Variants in PLEKHH3 observed in about 807,000 individuals in gnomAD.
PLEKHH3 encodes the protein pleckstrin homology, MyTH4 and FERM domain containing H3.
PLEKHH3 carries 57 observed loss-of-function variants against 77.8 expected under a neutral mutation model. The observed-to-expected ratio is 0.73, with a 90% confidence interval of 0.59 to 0.91. The LOEUF (loss-of-function observed/expected upper bound fraction) is 0.91. Among genes scored for constraint, PLEKHH3 ranks in the 40% least tolerant of loss-of-function variants. The pLI is 0.00. For synonymous variants in PLEKHH3, 467 were observed against 504.8 expected, an observed-to-expected ratio of 0.93 and a Z score of 1.00; for missense variants, 1,082 against 1,091.2, an observed-to-expected ratio of 0.99 and a Z score of 0.12.
Position 42,674,367 on chromosome 17 carries a change from G to C in PLEKHH3, c.205C>G (p.Pro69Ala), listed in dbSNP as rs903597297. The C allele has an allele frequency of 4.4e-6, 7 of 1,590,926 alleles. No homozygotes were observed. The East Asian group carries it at 1.6e-4, about 36-fold the overall frequency. ...VTLTQPVRSG[P>A]VSNRLQSWEE... ...GGCGTAGCTCACCTGTTGGAGACAG[G>C]CCCGCTCCTCACTGGCTGAGTCAGC... The change falls in exon 2 of 13, where the codon CCT becomes GCT. Residue 69 changes from proline (P) to alanine (A), a missense_variant. Pro to Ala is a conservative substitution (Grantham distance 27). This residue lies in a region of PLEKHH3 where 344 missense variants were observed against 320.8 expected (regional missense o/e 1.07). Coordinates refer to ENST00000591022, the MANE Select transcript of PLEKHH3 (RefSeq NM_024927.5).
chr17:42,673,595 G>A, intron 4 of PLEKHH3, 39 bp from the exon 5 acceptor site: 1 of 1,591,148 alleles, frequency 6.3e-7, no homozygotes, highest in Non-Finnish European at 8.5e-7. Context: ...ATTAGGGTCT[G>A]CCGGGGCCCC....
At chr17:42,669,654 G>T in intron 11 of PLEKHH3, 33 bp from the exon 12 acceptor site, 1 of 1,581,910 alleles carries the variant, frequency 6.3e-7, no homozygotes, top group Non-Finnish European at 8.6e-7. Flanking sequence ...AGGGTGGAAG[G>T]AGGAGCCCAG....
rs1207610262 is a variant in PLEKHH3 at position 42,670,269 on chromosome 17, C to T, written c.1662G>A (p.Val554=). The change falls in exon 11 of 13, where the codon GTG becomes GTA. Residue 554 remains valine (V), a synonymous_variant. Transcript: ENST00000591022. ...QSLQRDFSPR[V]PLPRLDRLLP... Reference sequence around the variant, plus strand: ...GCAGGCGGTCCAGGCGGGGCAGGGGCACCCGCGGAGAGAAGTCCCGCTGCA... The same window carrying T: ...GCAGGCGGTCCAGGCGGGGCAGGGGTACCCGCGGAGAGAAGTCCCGCTGCA... The T allele has an allele frequency of 2.3e-6, 3 of 1,289,502 alleles. No individual in the cohort carries two copies. Among genetic ancestry groups the T allele is most frequent in the South Asian group, 2.4e-5 (1 of 41,804 alleles). 79.9% of individuals were successfully genotyped at this position (1,289,502 alleles called of 1,614,324 possible).
rs562281782 is a variant in PLEKHH3, at chr17:42,676,585, G to C, written c.-22C>G. On this transcript the variant is annotated 5_prime_UTR_variant, in exon 1 of 13. Transcript: ENST00000591022. The surrounding 1 kb of genome is among the most constrained non-coding windows in gnomAD (Gnocchi z 6.6). The stretch of plus-strand genomic sequence containing the variant: ...GCATCCGGGCGAGGAGCTGCGGATG[G>C]GGGCGCGGGCAGCCGCGGCCGAGCA... 1.3e-6 allele frequency: 2 copies of C among 1,546,106 alleles called. No homozygotes were observed. The highest frequency in any genetic ancestry group is 1.2e-5 in the South Asian group (1 of 84,268).
intron 2 of PLEKHH3, 22 bp from the exon 3 acceptor site, chr17:42,674,035 G>A (rs746491481): frequency 6.2e-7 from 1 of 1,610,478 alleles, no homozygotes; most frequent in Non-Finnish European, 8.5e-7. Flanking sequence ...GGGAGGGAAG[G>A]TTGGGTCTCC....
At position 42,673,299 on chromosome 17, in the gene PLEKHH3, A is replaced by AG. The variant is rs1257502088; in HGVS notation, c.649-4dup. On this transcript the variant is annotated splice_region_variant and splice_polypyrimidine_tract_variant and intron_variant, in intron 5 of 12. Transcript: ENST00000591022. ...GCCTCTGGGTCCCCGCAACTTTCCT[A>AG]GGGGGCCAGGGAGAGGGTCACCTTG... 6.3e-7 allele frequency: 1 copy of AG among 1,597,528 alleles called. No homozygotes were observed. Among genetic ancestry groups the AG allele is most frequent in the South Asian group, 1.1e-5 (1 of 88,628 alleles).
intron 1 of PLEKHH3, among the ~76,000 whole-genome samples, chr17:42,675,537 C>A (rs967011112): frequency 2.6e-5 from 4 of 152,194 alleles, no homozygotes; most frequent in Non-Finnish European, 4.4e-5. Flanking sequence ...TATTTATCCA[C>A]CCTCCGCCTC....
rs1305450720 is a variant in PLEKHH3, at chr17:42,672,263, A to C, written c.899T>G (p.Leu300Arg). The change falls in exon 7 of 13, where the codon CTC (leucine) becomes CGC (arginine). Residue 300 changes from leucine (L) to arginine (R), a missense_variant. Physicochemically the swap from Leu to Arg is moderately radical, Grantham distance 102. Transcript: ENST00000591022. ...CAGCTGCAGGAAGAGTTCATCCCGGAGCGCGGGCAAGTCCCGGCAGGTTTG... is the reference window on the plus strand; with the variant it reads ...CAGCTGCAGGAAGAGTTCATCCCGGCGCGCGGGCAAGTCCCGGCAGGTTTG... ...VLQTCRDLPALRDELFLQLAK... is the reference protein window; with the variant it reads ...VLQTCRDLPARRDELFLQLAK... 2 of 1,550,838 alleles carry C rather than the reference A, an allele frequency of 1.3e-6. No individual in the cohort carries two copies. Among genetic ancestry groups the C allele is most frequent in the Non-Finnish European group, 1.7e-6 (2 of 1,147,040 alleles).
Position 42,668,044 on chromosome 17 carries a change from A to G in PLEKHH3, c.*83T>C, listed in dbSNP as rs1322830342. ...GATGTGCCCTGTCCCTGCAGGGCCAAAAGGGTCCATGTTTCCCTCAAATCT... is the reference window on the plus strand; with the variant it reads ...GATGTGCCCTGTCCCTGCAGGGCCAGAAGGGTCCATGTTTCCCTCAAATCT... On this transcript the variant is annotated 3_prime_UTR_variant, in exon 13 of 13. Coordinates refer to ENST00000591022, the MANE Select transcript of PLEKHH3 (RefSeq NM_024927.5). 3.6e-5 allele frequency: 44 copies of G among 1,223,338 alleles called. No individual in the cohort carries two copies. Among genetic ancestry groups the G allele is most frequent in the Non-Finnish European group, 4.0e-5 (39 of 966,652 alleles). 75.8% of individuals were successfully genotyped at this position (1,223,338 alleles called of 1,614,324 possible).
chr17:42,671,471 C>G lies in PLEKHH3; in HGVS notation c.1164G>C (p.Leu388=), dbSNP rs1040802039. The change falls in exon 8 of 13, where the codon CTG becomes CTC. Residue 388 remains leucine, a synonymous_variant. Coordinates refer to ENST00000591022, the MANE Select transcript of PLEKHH3 (RefSeq NM_024927.5). This position sits in a 1 kb window ranked among gnomAD's most constrained non-coding sequence, Gnocchi z 4.7. ...KALGRTRGRE[L]VPSLAEISAL... ...CGGAAATCTCCGCCAGCGAGGGCAC[C>G]AGCTCTCTGCCGCGCGTCCGGCCCA... The G allele has an allele frequency of 5.6e-6, 9 of 1,613,168 alleles. No individual in the cohort carries two copies. Among genetic ancestry groups the G allele is most frequent in the Non-Finnish European group, 7.6e-6 (9 of 1,180,016 alleles).
intron 4 of PLEKHH3, 22 bp from the exon 5 acceptor site, chr17:42,673,578 G>A (rs935958619): frequency 6.3e-7 from 1 of 1,588,232 alleles, no homozygotes; most frequent in African/African-American, 1.3e-5. Flanking sequence ...AGAGGCCAGG[G>A]AGGGCCATTA....
intron 9 of PLEKHH3, 80 bp downstream of exon 9, chr17:42,670,914 G>C: frequency 6.4e-7 from 1 of 1,568,268 alleles, no homozygotes; most frequent in Non-Finnish European, 8.6e-7. Flanking sequence ...GGCAAGCGCT[G>C]GATAATGTCC....
Position 42,672,115 on chromosome 17 carries a change from C to G in PLEKHH3, c.1047G>C (p.Val349=). ...CCAAGTGCCCCAGGAGGTGCCCCCG[C>G]ACAGCTCCCCCAGGTCGGAAGGTGC... is the stretch of plus-strand genomic sequence containing the variant. The part of the protein sequence containing the change: ...MSCTFRPGGA[V]RGHLLGHLER... Residue 349 remains valine, a synonymous_variant, in exon 7 of 13, where the codon GTG becomes GTC. Coordinates refer to ENST00000591022, the MANE Select transcript of PLEKHH3 (RefSeq NM_024927.5). 6.6e-7 allele frequency: 1 copy of G among 1,515,534 alleles called. No individual in the cohort carries two copies. Among genetic ancestry groups the G allele is most frequent in the Non-Finnish European group, 8.9e-7 (1 of 1,125,478 alleles). The allele number at this position is 1,515,534 out of a possible 1,614,324, so 93.9% of individuals were successfully genotyped here.
chr17:42,670,348 G>A lies in PLEKHH3; in HGVS notation c.1583C>T (p.Pro528Leu). 9.2e-6 allele frequency: 13 copies of A among 1,409,570 alleles called. No individual in the cohort carries two copies. Among genetic ancestry groups the A allele is most frequent in the Non-Finnish European group, 1.2e-5 (13 of 1,091,502 alleles). 87.3% of individuals were successfully genotyped at this position (1,409,570 alleles called of 1,614,324 possible). ...GCGCAGCGTGTCGTCGGGTGGGGGC[G>A]GCCGGCCCCGCAGCAGCAGAGCGTG... ...QAHALLLRGR[P>L]PPPDDTLRAL... The change falls in exon 11 of 13, where the codon CCG becomes CTG. Residue 528 changes from proline to leucine, a missense_variant. Around this residue, in one of 3 missense-constraint regions of PLEKHH3, gnomAD observed 733 missense variants for 750.0 expected, o/e 0.98. Coordinates refer to ENST00000591022, the MANE Select transcript of PLEKHH3 (RefSeq NM_024927.5).
rs1479961425 is a variant in PLEKHH3 at position 42,676,573 on chromosome 17, G to C, written c.-10C>G. 1 of 1,548,926 alleles carries C rather than the reference G, an allele frequency of 6.5e-7. No individual in the cohort carries two copies. Reference sequence around the variant, plus strand: ...CCCCGGGGAGAGGCATCCGGGCGAGGAGCTGCGGATGGGGGCGCGGGCAGC... The same window carrying C: ...CCCCGGGGAGAGGCATCCGGGCGAGCAGCTGCGGATGGGGGCGCGGGCAGC... On this transcript the variant is annotated 5_prime_UTR_variant, in exon 1 of 13. Coordinates refer to ENST00000591022, the MANE Select transcript of PLEKHH3 (RefSeq NM_024927.5). This position sits in a 1 kb window ranked among gnomAD's most constrained non-coding sequence, Gnocchi z 6.6.
chr17:42,675,878 A>C (rs893742035), intron 1 of PLEKHH3: 31 of 1,001,084 alleles, frequency 3.1e-5, no homozygotes, highest in African/African-American at 5.2e-5. Context: ...GGTAATGAGG[A>C]GGGGTCCTCA....
chr17:42,670,950 A>G, intron 9 of PLEKHH3, 44 bp downstream of exon 9: 1 of 1,589,662 alleles, frequency 6.3e-7, no homozygotes, highest in South Asian at 1.1e-5. Context: ...TCAGCTGAGA[A>G]GTGGATGGGC....
Position 42,671,096 on chromosome 17 carries a change from G to A in PLEKHH3, c.1319C>T (p.Ala440Val). 1.3e-6 allele frequency: 2 copies of A among 1,597,784 alleles called. No homozygotes were observed. Among genetic ancestry groups the A allele is most frequent in the Non-Finnish European group, 1.7e-6 (2 of 1,170,716 alleles). The change falls in exon 9 of 13, where the codon GCC (alanine) becomes GTC (valine). Residue 440 changes from alanine to valine, a missense_variant. Around this residue, in one of 3 missense-constraint regions of PLEKHH3, gnomAD observed 733 missense variants for 750.0 expected, o/e 0.98. Transcript: ENST00000591022. This position sits in a 1 kb window ranked among gnomAD's most constrained non-coding sequence, Gnocchi z 4.7. ...ARELVGRLGL[A>V]RSRNAFALYE... Reference sequence around the variant, plus strand: ...CAGCGCGAATGCGTTGCGGCTCCGGGCCAAGCCCAGCCGCCCCACCAGCTC... The same window carrying A: ...CAGCGCGAATGCGTTGCGGCTCCGGACCAAGCCCAGCCGCCCCACCAGCTC...
intron 1 of PLEKHH3, among the ~76,000 whole-genome samples, chr17:42,675,557 C>A (rs2052803621): frequency 6.6e-6 from 1 of 152,208 alleles, no homozygotes. Context: ...CCGCCAGGTG[C>A]TGGCGCCGGC....
Sources: gnomAD v4.1 joint callset for allele counts (sites outside exome capture counted in the v4.1 genomes callset) on GRCh38, gnomAD v4.1.1 for gene constraint, gnomAD v4.1.1 regional missense constraint, Gnocchi (gnomAD v3.1) non-coding constraint, MANE v1.5 for transcripts, NCBI Gene and HGNC (gene_info 2026-07-23, HGNC 2026-07-21) for gene names.